Variants in PLXNC1 observed in about 807,000 individuals in gnomAD.
PLXNC1 encodes the protein plexin-C1.
PLXNC1 carries 75 observed loss-of-function variants against 178.2 expected under a neutral mutation model. The ratio of observed to expected loss-of-function variants is 0.42; its 90% confidence interval spans 0.35 to 0.51. PLXNC1 has a LOEUF of 0.51. Ranked by LOEUF, PLXNC1 falls within the 20% of genes least tolerant of loss-of-function variation. The pLI is 0.02. For synonymous variants in PLXNC1, 790 were observed against 779.9 expected, an observed-to-expected ratio of 1.01 and a Z score of -0.22; for missense variants, 1,503 against 1,984.4, an observed-to-expected ratio of 0.76 and a Z score of 4.61.
chr12:94,287,115 T>C (rs1592942146), intron 23 of PLXNC1, among the ~76,000 whole-genome samples: 1 of 152,212 alleles, frequency 6.6e-6, no homozygotes, highest in African/African-American at 2.4e-5. Context: ...GGGAGGCAGG[T>C]GCTTTCCTTA....
intron 5 of PLXNC1, among the ~76,000 whole-genome samples, chr12:94,218,009 G>A (rs1565815120): frequency 6.6e-6 from 1 of 152,190 alleles, no homozygotes; most frequent in Non-Finnish European, 1.5e-5. Flanking sequence ...AAGAGTTGGT[G>A]AAAATGTGAT....
In PLXNC1 at chr12:94,148,988, G is replaced by A; in HGVS notation, c.17G>A (p.Arg6Lys). 1 of 1,441,406 alleles carries A rather than the reference G, an allele frequency of 6.9e-7. No individual in the cohort carries two copies. Among genetic ancestry groups the A allele is most frequent in the Non-Finnish European group, 9.1e-7 (1 of 1,103,672 alleles). The allele number at this position is 1,441,406 out of a possible 1,614,324, so 89.3% of individuals were successfully genotyped here. A position where few individuals can be genotyped will look rare whatever the true frequency, so the allele number is the denominator to read the frequency against. MEVSRRKAPPRPPRPA... is the reference protein window; with the variant it reads MEVSRKKAPPRPPRPA... Reference sequence around the variant, plus strand: ...CCCAGCCCCATGGAGGTCTCCCGGAGGAAGGCGCCGCCGCGCCCCCCGCGC... The same window carrying A: ...CCCAGCCCCATGGAGGTCTCCCGGAAGAAGGCGCCGCCGCGCCCCCCGCGC... The change falls in exon 1 of 31, where the codon AGG becomes AAG. Residue 6 changes from arginine (R) to lysine (K), a missense_variant. Arg to Lys is a conservative substitution (Grantham distance 26, BLOSUM62 2). Coordinates refer to ENST00000258526, the MANE Select transcript of PLXNC1 (RefSeq NM_005761.3). This position sits in a 1 kb window ranked among gnomAD's most constrained non-coding sequence, Gnocchi z 4.8.
intron 16 of PLXNC1, 148 bp downstream of exon 16, chr12:94,255,036 G>A (rs1964801925): frequency 1.1e-6 from 1 of 910,618 alleles, no homozygotes; most frequent in Non-Finnish European, 1.7e-6. Context: ...CTGGCTTTGT[G>A]TTTTATTTCA....
chr12:94,160,462 C>A (rs771880139), intron 1 of PLXNC1, among the ~76,000 whole-genome samples: 2 of 152,170 alleles, frequency 1.3e-5, no homozygotes, highest in Non-Finnish European at 2.9e-5. Flanking sequence ...CCCCTGTCTC[C>A]CCGCAACCTG....
intron 23 of PLXNC1, among the ~76,000 whole-genome samples, chr12:94,285,065 G>A (rs897826106): frequency 1.3e-5 from 2 of 152,100 alleles, no homozygotes; most frequent in African/African-American, 4.8e-5. Context: ...GACACCACAA[G>A]TCACGTGGAT....
At chr12:94,175,887 G>T (rs1391741889) in intron 2 of PLXNC1, among the ~76,000 whole-genome samples, 1 of 152,226 alleles carries the variant, frequency 6.6e-6, no homozygotes, top group Non-Finnish European at 1.5e-5. Context: ...TTCAGATAGT[G>T]CTATGAAGAA....
chr12:94,276,978 G>A (rs926205117), intron 21 of PLXNC1: 5 of 152,204 alleles, frequency 3.3e-5, no homozygotes, highest in African/African-American at 1.2e-4. Context: ...TCATTTGGTT[G>A]AGACCAGAAC....
At chr12:94,162,532 A>T (rs1404680552) in intron 1 of PLXNC1, among the ~76,000 whole-genome samples, 1 of 152,176 alleles carries the variant, frequency 6.6e-6, no homozygotes, top group Non-Finnish European at 1.5e-5. Flanking sequence ...GTTTTAAAAG[A>T]TCACTTTGGC....
rs949160337 is a variant in PLXNC1 at position 94,169,101 on chromosome 12, ATTG to A, written c.1063-46_1063-44del. ...ACATTTCATCAGTATAATGAGAACT[ATTG>A]TTGTTAAAAATTATTATTATTTTTT... On this transcript the variant is annotated intron_variant, in intron 1 of 30. Coordinates refer to ENST00000258526, the MANE Select transcript of PLXNC1 (RefSeq NM_005761.3). The A allele has an allele frequency of 4.0e-6, 6 of 1,504,150 alleles. No homozygotes were observed. In the Admixed American group the frequency reaches 7.6e-5, roughly 19 times the overall value. 93.2% of individuals were successfully genotyped at this position (1,504,150 alleles called of 1,614,324 possible). A position where few individuals can be genotyped will look rare whatever the true frequency, so the allele number is the denominator to read the frequency against.
intron 5 of PLXNC1, among the ~76,000 whole-genome samples, chr12:94,210,450 A>G (rs2136003153): frequency 6.6e-6 from 1 of 152,348 alleles, no homozygotes; most frequent in East Asian, 1.9e-4. Context: ...TGTTATGAAT[A>G]ATTGTACAGA....
chr12:94,189,399 G>T lies in PLXNC1; in HGVS notation c.1439+2926G>T, dbSNP rs112507221. 3.6e-3 allele frequency among the ~76,000 whole-genome samples: 545 copies of T among 152,184 alleles called. 6 individuals carry two copies. The highest frequency in any genetic ancestry group is 0.011 in the African/African-American group (474 of 41,526). On this transcript the variant is annotated intron_variant, in intron 4 of 30. Transcript: ENST00000258526. The stretch of plus-strand genomic sequence containing the variant: ...AAGTTGAGTTTAAAGATTGTTAGGG[G>T]CAGGCGCGGTGACTCACACCTATAT...
intron 21 of PLXNC1, among the ~76,000 whole-genome samples, chr12:94,266,773 G>C (rs528183793): frequency 3.3e-5 from 5 of 152,368 alleles, no homozygotes; most frequent in Non-Finnish European, 7.3e-5. Flanking sequence ...TGAGGATTAA[G>C]AGTCAGTATT....
rs1964507653 is a variant in PLXNC1, at chr12:94,245,579, C to T, written c.2388+1554C>T. ...TCATCAGGTTCTAGGTCCTCTGGTT[C>T]CCTAACTGTTCAGAAACCCTGTGAG... On this transcript the variant is annotated intron_variant, in intron 12 of 30. Coordinates refer to ENST00000258526, the MANE Select transcript of PLXNC1 (RefSeq NM_005761.3). Among the ~76,000 whole-genome samples, 3 of 152,176 alleles carry T rather than the reference C, an allele frequency of 2.0e-5. No homozygotes were observed. In the South Asian group the frequency reaches 6.2e-4, roughly 32 times the overall value.
rs774262002 is a variant in PLXNC1 at position 94,304,028 on chromosome 12, T to C, written c.4579T>C (p.Tyr1527His). Residue 1527 changes from tyrosine to histidine, a missense_variant, in exon 30 of 31, where the codon TAC becomes CAC. Around this residue, in one of 4 missense-constraint regions of PLXNC1, gnomAD observed 639 missense variants for 979.7 expected, o/e 0.65. Transcript: ENST00000258526. ...AGTGGCCTTGACAGAAATTTACAAATACATCGTAAAATATTTTGATGAGGT... is the reference window on the plus strand; with the variant it reads ...AGTGGCCTTGACAGAAATTTACAAACACATCGTAAAATATTTTGATGAGGT... ...EEVALTEIYK[Y>H]IVKYFDEILN... 6.4e-7 allele frequency: 1 copy of C among 1,569,006 alleles called. No homozygotes were observed. The highest frequency in any genetic ancestry group is 1.4e-5 in the African/African-American group (1 of 74,062).
chr12:94,149,876 C>T lies in PLXNC1; in HGVS notation c.905C>T (p.Ala302Val), dbSNP rs1960883253. Residue 302 changes from alanine to valine, a missense_variant, in exon 1 of 31, where the codon GCC becomes GTC. Coordinates refer to ENST00000258526, the MANE Select transcript of PLXNC1 (RefSeq NM_005761.3). ...RLLLSSSLVE[A>V]LDVWAGVFSA... is the part of the protein sequence containing the mutation. The stretch of plus-strand genomic sequence containing the variant: ...CTCCTCTCCTCCAGCCTAGTGGAGG[C>T]CCTGGACGTCTGGGCGGGAGTGTTC... The T allele has an allele frequency of 1.3e-6, 2 of 1,587,482 alleles. No individual in the cohort carries two copies. Among genetic ancestry groups the T allele is most frequent in the Non-Finnish European group, 1.7e-6 (2 of 1,167,592 alleles).
chr12:94,200,802 T>C (rs1277000847), intron 4 of PLXNC1, among the ~76,000 whole-genome samples: 1 of 152,222 alleles, frequency 6.6e-6, no homozygotes, highest in African/African-American at 2.4e-5. Context: ...AAGAACCACA[T>C]GGAGCAAAGG....
At chr12:94,187,444 A>T (rs887830040) in intron 4 of PLXNC1, among the ~76,000 whole-genome samples, 3 of 152,206 alleles carry the variant, frequency 2.0e-5, no homozygotes, top group Non-Finnish European at 4.4e-5. Context: ...GATGGAATTA[A>T]TTAAGAGTTC....
chr12:94,159,387 T>G (rs1433061311), intron 1 of PLXNC1, among the ~76,000 whole-genome samples: 1 of 152,214 alleles, frequency 6.6e-6, no homozygotes, highest in Non-Finnish European at 1.5e-5. Flanking sequence ...TTGCAGGTGT[T>G]GGGGTAAGTT....
In PLXNC1 at chr12:94,149,037, C is replaced by T; in HGVS notation, c.66C>T (p.Leu22=). ...GCCCCGCAGCGCCACTGCCCCTGCT[C>T]GCCTATCTGCTGGCACTGGCGGCTC... is the stretch of plus-strand genomic sequence containing the variant. ...PPRPAAPLPL[L]AYLLALAAPG... The change falls in exon 1 of 31, where the codon CTC becomes CTT. Residue 22 remains leucine (L), a synonymous_variant. Transcript: ENST00000258526. 6.6e-7 allele frequency: 1 copy of T among 1,510,296 alleles called. No individual in the cohort carries two copies. Among genetic ancestry groups the T allele is most frequent in the Non-Finnish European group, 8.8e-7 (1 of 1,136,518 alleles). 93.6% of individuals were successfully genotyped at this position (1,510,296 alleles called of 1,614,324 possible). A position where few individuals can be genotyped will look rare whatever the true frequency, so the allele number is the denominator to read the frequency against.
Sources: gnomAD v4.1 joint callset for allele counts (sites outside exome capture counted in the v4.1 genomes callset) on GRCh38, gnomAD v4.1.1 for gene constraint, gnomAD v4.1.1 regional missense constraint, Gnocchi (gnomAD v3.1) non-coding constraint, MANE v1.5 for transcripts, NCBI Gene and HGNC (gene_info 2026-07-23, HGNC 2026-07-21) for gene names.